C12orf42: variants seen among roughly 807,000 people sequenced by gnomAD.
C12orf42 encodes uncharacterized protein C12orf42.
In C12orf42, 25 loss-of-function variants were observed where a neutral mutation model predicts 21.6. The observed-to-expected ratio is 1.16, with a 90% confidence interval of 0.84 to 1.62. The LOEUF (loss-of-function observed/expected upper bound fraction) is 1.62. C12orf42 is among the 40% of genes most tolerant of loss of function. The probability of loss-of-function intolerance (pLI) is 0.00; values close to 1 mark genes in which losing one functional copy is unlikely to be tolerated. For missense variants in C12orf42, 483 were observed against 459.3 expected (o/e 1.05, Z -0.47); for synonymous variants, 174 against 175.0 (o/e 0.99, Z 0.05).
At chr12:103,216,335 G>A in the C12orf42 span, among the ~76,000 whole-genome samples, 1 of 151,736 alleles carries the variant, frequency 6.6e-6, no homozygotes, top group African/African-American at 2.4e-5. Context: ...TGAAATTTCA[G>A]ACCCAGAATT....
At chr12:103,308,183 G>A (rs1164407171) in intron 4 of C12orf42, among the ~76,000 whole-genome samples, 1 of 152,096 alleles carries the variant, frequency 6.6e-6, no homozygotes, top group East Asian at 1.9e-4. Flanking sequence ...AAAGTACTTA[G>A]GGTAGTAGTT....
chr12:103,441,131 T>C (rs1951212213), intron 2 of C12orf42, among the ~76,000 whole-genome samples: 1 of 152,166 alleles, frequency 6.6e-6, no homozygotes, highest in African/African-American at 2.4e-5. Context: ...TCCTCCCTAG[T>C]TGGACTCCTA....
the C12orf42 span, among the ~76,000 whole-genome samples, chr12:103,153,620 G>A: frequency 5.3e-5 from 8 of 152,102 alleles, no homozygotes; most frequent in South Asian, 2.1e-4. Flanking sequence ...TAAAACTAGC[G>A]TATACCCACT....
chr12:103,465,670 C>G (rs1364079660), intron 2 of C12orf42, among the ~76,000 whole-genome samples: 1 of 152,120 alleles, frequency 6.6e-6, no homozygotes, highest in Non-Finnish European at 1.5e-5. Flanking sequence ...GCATCCTTGT[C>G]TTGTGCCAGT....
At chr12:103,317,857 G>T (rs990686336) in intron 4 of C12orf42, among the ~76,000 whole-genome samples, 1 of 151,942 alleles carries the variant, frequency 6.6e-6, no homozygotes, top group Non-Finnish European at 1.5e-5. Flanking sequence ...GTACAAAAGG[G>T]TATATATATA....
At chr12:103,325,674 T>C (rs1423321730) in intron 4 of C12orf42, among the ~76,000 whole-genome samples, 2 of 152,226 alleles carry the variant, frequency 1.3e-5, no homozygotes, top group Non-Finnish European at 2.9e-5. Flanking sequence ...ATGGTTGTCT[T>C]GGCATCTGTG....
At chr12:103,459,030 G>C (rs539771611) in intron 2 of C12orf42, among the ~76,000 whole-genome samples, 2 of 152,158 alleles carry the variant, frequency 1.3e-5, no homozygotes, top group South Asian at 4.2e-4. Context: ...GGGAAGGAGA[G>C]AGGAAAGGAA....
chr12:103,382,896 ACTT>A (rs2046304658), intron 3 of C12orf42, among the ~76,000 whole-genome samples: 1 of 152,002 alleles, frequency 6.6e-6, no homozygotes, highest in South Asian at 2.1e-4. Context: ...GAGTTCTTTC[ACTT>A]CTTCTCTATA....
intron 5 of C12orf42, among the ~76,000 whole-genome samples, chr12:103,272,846 T>C (rs2035550227): frequency 6.6e-6 from 1 of 152,198 alleles, no homozygotes; most frequent in Non-Finnish European, 1.5e-5. Context: ...CAAGAAGGAA[T>C]GATCGGGCCT....
At chr12:103,522,522 A>C in the C12orf42 span, among the ~76,000 whole-genome samples, 17 of 152,172 alleles carry the variant, frequency 1.1e-4, no homozygotes, top group African/African-American at 3.6e-4. Context: ...AGCCCCAGCC[A>C]GCCATCCTGA....
intron 1 of C12orf42, among the ~76,000 whole-genome samples, chr12:103,485,905 A>T (rs533808092): frequency 3.8e-4 from 58 of 152,368 alleles, no homozygotes; most frequent in African/African-American, 1.4e-3. Flanking sequence ...ATATACAATC[A>T]TGTCATCTGC....
chr12:103,048,504 C>T, the C12orf42 span, among the ~76,000 whole-genome samples: 3 of 152,050 alleles, frequency 2.0e-5, no homozygotes, highest in Admixed American at 2.0e-4. Flanking sequence ...GAGTCAAAAC[C>T]TGGGGCATGA....
At chr12:103,454,881 T>A (rs558682018) in intron 2 of C12orf42, among the ~76,000 whole-genome samples, 1 of 152,290 alleles carries the variant, frequency 6.6e-6, no homozygotes, top group African/African-American at 2.4e-5. Context: ...CCTGTATATA[T>A]TTACCCAGCA....
the C12orf42 span, among the ~76,000 whole-genome samples, chr12:103,523,627 G>A: frequency 6.7e-6 from 1 of 150,194 alleles, no homozygotes; most frequent in Admixed American, 6.7e-5. Flanking sequence ...CTCTATATAT[G>A]TATATATATG....
chr12:103,110,162 C>T, the C12orf42 span, among the ~76,000 whole-genome samples: 1 of 152,114 alleles, frequency 6.6e-6, no homozygotes, highest in Non-Finnish European at 1.5e-5. Flanking sequence ...ACCCACATGT[C>T]CATCAGCAGA....
chr12:103,520,466 A>C, the C12orf42 span, among the ~76,000 whole-genome samples: 1 of 152,144 alleles, frequency 6.6e-6, no homozygotes, highest in Non-Finnish European at 1.5e-5. Context: ...AAGTCAGAGG[A>C]TGGCTTGAGG....
chr12:103,532,402 C>T, the C12orf42 span, among the ~76,000 whole-genome samples: 3 of 152,278 alleles, frequency 2.0e-5, no homozygotes, highest in Non-Finnish European at 4.4e-5. Context: ...TATTTATATG[C>T]TTTGATTAGA....
At chr12:103,065,773 T>C in the C12orf42 span, among the ~76,000 whole-genome samples, 1 of 152,218 alleles carries the variant, frequency 6.6e-6, no homozygotes, top group African/African-American at 2.4e-5. Context: ...TGGCCCCTCC[T>C]ACAACCAAGA....
chr12:103,452,408 A>G, intron 2 of C12orf42, among the ~76,000 whole-genome samples: 1 of 152,168 alleles, frequency 6.6e-6, no homozygotes, highest in East Asian at 1.9e-4. Flanking sequence ...AGATGCAAGA[A>G]TTAAGGAAAT....
Sources: allele counts gnomAD v4.1 joint callset (sites outside exome capture counted in the v4.1 genomes callset), GRCh38; gene constraint gnomAD v4.1.1; transcripts MANE v1.5; gene names NCBI Gene and HGNC (gene_info 2026-07-23, HGNC 2026-07-21).